DSG1: variants seen among roughly 807,000 people sequenced by gnomAD.
The protein encoded by DSG1 is desmoglein 1, also known as desmoglein-1.
DSG1 carries 39 observed loss-of-function variants against 97.5 expected under a neutral mutation model. The observed-to-expected ratio is 0.40, with a 90% confidence interval of 0.31 to 0.52. The LOEUF is 0.52. DSG1 is among the 20% of genes least tolerant of loss of function. DSG1 has a pLI of 0.53. For missense variants in DSG1, 1,311 were observed against 1,295.4 expected (o/e 1.01, Z -0.18); for synonymous variants, 475 against 443.4 (o/e 1.07, Z -0.90).
intron 13 of DSG1, 142 bp from the exon 14 acceptor site, chr18:31,345,845 TCTC>T: frequency 1.6e-6 from 1 of 639,856 alleles, no homozygotes; most frequent in Non-Finnish European, 2.7e-6. Context: ...TGTATTTATA[TCTC>T]CTTTCTTTAT....
At chr18:31,318,640 A>T (rs543437331) in intron 1 of DSG1, among the ~76,000 whole-genome samples, 28 of 152,074 alleles carry the variant, frequency 1.8e-4, no homozygotes, top group Non-Finnish European at 3.2e-4. Context: ...ATCGCTAGTT[A>T]GTAGCACTTT....
intron 12 of DSG1, 82 bp downstream of exon 12, chr18:31,343,665 C>T (rs2071806303): frequency 2.4e-5 from 38 of 1,588,698 alleles, no homozygotes; most frequent in Non-Finnish European, 3.3e-5. Flanking sequence ...GCCGCCATCA[C>T]TCACAGTCTA....
At position 31,343,558 on chromosome 18, in the gene DSG1, T is replaced by C; in HGVS notation, c.1796T>C (p.Val599Ala). Residue 599 changes from valine to alanine, a missense_variant, in exon 12 of 15, where the codon GTA (valine) becomes GCA (alanine). Physicochemically the swap from Val to Ala is moderately conservative, Grantham distance 64. Coordinates refer to ENST00000257192, the MANE Select transcript of DSG1 (RefSeq NM_001942.4). ...GATGGAGCAATTCATTCATGGGCAG[T>C]AGAAGGACCACAGCCTGAACCCAGG... is the stretch of plus-strand genomic sequence containing the variant. Reference protein sequence around the residue: ...CSDGAIHSWAVEGPQPEPRDI... With the variant: ...CSDGAIHSWAAEGPQPEPRDI... 6.2e-7 allele frequency: 1 copy of C among 1,614,120 alleles called. No homozygotes were observed. Among genetic ancestry groups the C allele is most frequent in the Non-Finnish European group, 8.5e-7 (1 of 1,180,022 alleles).
intron 14 of DSG1, among the ~76,000 whole-genome samples, chr18:31,348,332 C>T (rs1211498418): frequency 0.036 from 5,449 of 150,976 alleles, 352 homozygotes; most frequent in African/African-American, 0.13. Flanking sequence ...TATTCCATGG[C>T]GTATATGTGC....
rs140015681 is a variant in DSG1 at position 31,331,396 on chromosome 18, G to A, written c.518-305G>A. On this transcript the variant is annotated intron_variant, in intron 5 of 14. Transcript: ENST00000257192. ...TCTGGCCTTATTATCATTTTGTTTC[G>A]CCACAGCATCCTTTAAAAAAGAAGA... 1.3e-3 allele frequency among the ~76,000 whole-genome samples: 199 copies of A among 151,988 alleles called. 1 individual carries two copies. Among genetic ancestry groups the A allele is most frequent in the African/African-American group, 4.6e-3 (191 of 41,514 alleles).
rs2071970639 is a variant in DSG1 at position 31,357,666 on chromosome 18, C to T, written c.*2320C>T. Among the ~76,000 whole-genome samples, 1 of 151,894 alleles carries T rather than the reference C, an allele frequency of 6.6e-6. No homozygotes were observed. Among genetic ancestry groups the T allele is most frequent in the Non-Finnish European group, 1.5e-5 (1 of 67,866 alleles). On this transcript the variant is annotated 3_prime_UTR_variant, in exon 15 of 15. Transcript: ENST00000257192. ...CCCCCAATTTAGTTACATCTGAACTCCTAAACACTGTTAAACGATGGGAAA... is the reference window on the plus strand; with the variant it reads ...CCCCCAATTTAGTTACATCTGAACTTCTAAACACTGTTAAACGATGGGAAA...
chr18:31,349,683 A>T (rs2071877509), intron 14 of DSG1, among the ~76,000 whole-genome samples: 1 of 78,626 alleles, frequency 1.3e-5, no homozygotes, highest in Non-Finnish European at 2.3e-5. Flanking sequence ...GGTCCTTCAC[A>T]TCCCTTGTAA....
chr18:31,343,613 T>C, intron 12 of DSG1, 30 bp downstream of exon 12: 1 of 1,614,106 alleles, frequency 6.2e-7, no homozygotes, highest in Non-Finnish European at 8.5e-7. Context: ...AAATAGCCGT[T>C]GGTAGTCACT....
chr18:31,327,111 A>G, intron 3 of DSG1, 106 bp downstream of exon 3: 1 of 1,418,580 alleles, frequency 7.0e-7, no homozygotes, highest in Admixed American at 1.7e-5. Context: ...AGAAGCTACG[A>G]TACAGAACAG....
At chr18:31,347,351 C>G (rs959206693) in intron 14 of DSG1, among the ~76,000 whole-genome samples, 4 of 152,142 alleles carry the variant, frequency 2.6e-5, no homozygotes, top group Non-Finnish European at 5.9e-5. Flanking sequence ...CTTGATTACC[C>G]TATCTAAAAG....
chr18:31,328,343 T>C lies in DSG1; in HGVS notation c.371T>C (p.Ile124Thr), dbSNP rs745843187. The change falls in exon 4 of 15, where the codon ATT becomes ACT. Residue 124 changes from isoleucine (I) to threonine (T), a missense_variant and splice_region_variant. Ile to Thr is a moderately conservative substitution (Grantham distance 89, BLOSUM62 -1). Around this residue, in one of 3 missense-constraint regions of DSG1, gnomAD observed 259 missense variants for 304.1 expected, o/e 0.85. Coordinates refer to ENST00000257192, the MANE Select transcript of DSG1 (RefSeq NM_001942.4). ...GATCGAGAGGTCACTCCTTTCTTCA[T>C]TGTAAGTGGACTTCATGTCAATATA... ...IVDREVTPFF[I>T]IYCRALNSMG... 3.1e-6 allele frequency: 5 copies of C among 1,612,398 alleles called. No homozygotes were observed. In the Admixed American group the frequency reaches 5.0e-5, roughly 16 times the overall value.
rs190036075 is a variant in DSG1, at chr18:31,334,805, C to T, written c.1005+603C>T. Among the ~76,000 whole-genome samples, 3 of 152,208 alleles carry T rather than the reference C, an allele frequency of 2.0e-5. No individual in the cohort carries two copies. In the East Asian group the frequency reaches 5.8e-4, roughly 29 times the overall value. On this transcript the variant is annotated intron_variant, in intron 8 of 14. Transcript: ENST00000257192. ...ACTGGATGCCGTTCTCTTATGTCCT[C>T]CCCATATTAATGGTCCACATTTACC...
intron 11 of DSG1, among the ~76,000 whole-genome samples, chr18:31,343,070 A>G (rs1003879876): frequency 9.3e-5 from 14 of 151,276 alleles, no homozygotes; most frequent in African/African-American, 3.4e-4. Context: ...GCCCCCATAC[A>G]CGCCTAATTT....
intron 9 of DSG1, among the ~76,000 whole-genome samples, chr18:31,336,910 A>G (rs1256122212): frequency 6.6e-6 from 1 of 152,186 alleles, no homozygotes; most frequent in East Asian, 1.9e-4. Flanking sequence ...TGATTACCAC[A>G]GGCCGTGATT....
At chr18:31,345,901 T>C in intron 13 of DSG1, 89 bp from the exon 14 acceptor site, 1 of 1,005,126 alleles carries the variant, frequency 9.9e-7, no homozygotes, top group Non-Finnish European at 1.5e-6. Flanking sequence ...CATACCTAAA[T>C]GAAAAAATCA....
intron 1 of DSG1, among the ~76,000 whole-genome samples, chr18:31,325,637 T>C (rs1372159030): frequency 6.6e-6 from 1 of 152,158 alleles, no homozygotes; most frequent in East Asian, 1.9e-4. Flanking sequence ...ATTCCTATTG[T>C]CGTATGTAAA....
intron 5 of DSG1, among the ~76,000 whole-genome samples, chr18:31,331,136 A>G (rs115862180): frequency 0.013 from 2,024 of 152,222 alleles, 40 homozygotes; most frequent in African/African-American, 0.046. Flanking sequence ...ATTTCTTTAG[A>G]TCTACTAATT....
chr18:31,332,345 G>GT (rs1166478391), intron 6 of DSG1, among the ~76,000 whole-genome samples: 6 of 152,004 alleles, frequency 3.9e-5, no homozygotes, highest in Non-Finnish European at 7.4e-5. Context: ...CAGAATTCTT[G>GT]TTTTTCCTAT....
chr18:31,354,715 C>T lies in DSG1; in HGVS notation c.2519C>T (p.Ser840Phe), dbSNP rs1018987131. Residue 840 changes from serine to phenylalanine, a missense_variant, in exon 15 of 15, where the codon TCT becomes TTT. Ser to Phe is a radical substitution (Grantham distance 155). Coordinates refer to ENST00000257192, the MANE Select transcript of DSG1 (RefSeq NM_001942.4). ...LGYGNVTVTE[S>F]YTTSDTLKPS... Reference sequence around the variant, plus strand: ...TATGGTAATGTCACTGTGACCGAGTCTTACACCACCTCTGACACTCTGAAG... The same window carrying T: ...TATGGTAATGTCACTGTGACCGAGTTTTACACCACCTCTGACACTCTGAAG... The T allele has an allele frequency of 6.2e-7, 1 of 1,613,992 alleles. No homozygotes were observed. The highest frequency in any genetic ancestry group is 1.3e-5 in the African/African-American group (1 of 74,904).
Sources: gnomAD v4.1 joint callset for allele counts (sites outside exome capture counted in the v4.1 genomes callset) on GRCh38, gnomAD v4.1.1 for gene constraint, gnomAD v4.1.1 regional missense constraint, MANE v1.5 for transcripts, NCBI Gene and HGNC (gene_info 2026-07-23, HGNC 2026-07-21) for gene names.